Variants in SFPQ observed in about 807,000 individuals in gnomAD.
The protein encoded by SFPQ is splicing factor, proline- and glutamine-rich.
Under a neutral mutation model 72.9 loss-of-function variants are expected in SFPQ, and 11 were observed. The observed-to-expected ratio is 0.15, with a 90% CI of 0.09 to 0.25. The LOEUF is 0.25. Among genes scored for constraint, SFPQ ranks in the 10% least tolerant of loss-of-function variants. The pLI is 1.00. For synonymous variants in SFPQ, 506 were observed against 367.3 expected (o/e 1.38, Z -4.32); for missense variants, 847 against 993.3 (o/e 0.85, Z 1.98).
At position 35,191,004 on chromosome 1, in the gene SFPQ, CAG is replaced by C. The variant is rs1639966704; in HGVS notation, c.1018-11_1018-10del. On this transcript the variant is annotated splice_polypyrimidine_tract_variant and intron_variant, in intron 2 of 9. Transcript: ENST00000357214. ...GCCAAAGCTCTAGATTCCTGTGTAT[CAG>C]AGACACTCATGTTAATGACCTCAAA... 2 of 1,607,872 alleles carry C rather than the reference CAG, an allele frequency of 1.2e-6. No homozygotes were observed. The highest frequency in any genetic ancestry group is 1.3e-5 in the African/African-American group (1 of 74,596).
Position 35,187,191 on chromosome 1 carries a change from T to C in SFPQ, c.1864+12A>G, listed in dbSNP as rs1218302803. ...TCTCTACTTATATCATTAATTTAAATTTCACACTTACCTCCCATGTTCATT... is the reference window on the plus strand; with the variant it reads ...TCTCTACTTATATCATTAATTTAAACTTCACACTTACCTCCCATGTTCATT... On this transcript the variant is annotated intron_variant, in intron 8 of 9. Transcript: ENST00000357214. The C allele has an allele frequency of 1.2e-6, 2 of 1,614,140 alleles. No homozygotes were observed. Among genetic ancestry groups the C allele is most frequent in the South Asian group, 1.1e-5 (1 of 91,084 alleles).
chr1:35,179,983 A>G (rs1251920758), downstream of SFPQ: 2 of 1,050,540 alleles, frequency 1.9e-6, no homozygotes, highest in African/African-American at 3.3e-5. Context: ...CAGAGGCTAA[A>G]CTAGTCATCA....
At chr1:35,185,379 A>T (rs949794325) in intron 9 of SFPQ, among the ~76,000 whole-genome samples, 1 of 152,206 alleles carries the variant, frequency 6.6e-6, no homozygotes, top group African/African-American at 2.4e-5. Flanking sequence ...TAGGTCTTTG[A>T]AAAGTGCAGA....
At position 35,182,947 on chromosome 1, in the gene SFPQ, CCT is replaced by C. The variant is rs1639532279; in HGVS notation, c.*1507_*1508del. 9.6e-7 allele frequency: 1 copy of C among 1,043,832 alleles called. No homozygotes were observed. Among genetic ancestry groups the C allele is most frequent in the African/African-American group, 1.7e-5 (1 of 59,808 alleles). The allele number at this position is 1,043,832 out of a possible 1,614,324, so 64.7% of individuals were successfully genotyped here. ...GACAACACCATGGAAACATTCCAAG[CCT>C]TTATGGTGGGAGGAAGGGATATTTG... is the stretch of plus-strand genomic sequence containing the variant. On this transcript the variant is annotated 3_prime_UTR_variant, in exon 10 of 10. Coordinates refer to ENST00000357214, the MANE Select transcript of SFPQ (RefSeq NM_005066.3).
chr1:35,191,708 C>T (rs1234758272), intron 1 of SFPQ, among the ~76,000 whole-genome samples, 179 bp from the exon 2 acceptor site: 1 of 152,168 alleles, frequency 6.6e-6, no homozygotes, highest in African/African-American at 2.4e-5. Context: ...AAAAGGAGCC[C>T]CATCATCCAG....
intron 6 of SFPQ, among the ~76,000 whole-genome samples, chr1:35,188,397 T>C (rs761667431): frequency 1.3e-5 from 2 of 152,220 alleles, no homozygotes; most frequent in African/African-American, 4.8e-5. Flanking sequence ...TAAATGTTAG[T>C]GCATAAGTCA....
intron 9 of SFPQ, among the ~76,000 whole-genome samples, chr1:35,185,399 G>T (rs555885327): frequency 1.3e-5 from 2 of 152,194 alleles, no homozygotes; most frequent in Non-Finnish European, 2.9e-5. Context: ...ACACTTTGCT[G>T]TAATTCCATG....
chr1:35,188,220 G>A lies in SFPQ; in HGVS notation c.1698-130C>T, dbSNP rs533471832. 1.3e-5 allele frequency: 9 copies of A among 705,430 alleles called. No homozygotes were observed. The East Asian group carries it at 2.0e-4, about 15-fold the overall frequency. The allele number at this position is 705,430 out of a possible 1,614,324, so 43.7% of individuals were successfully genotyped here. ...AACACAAAGGCTTAGAGTGAGCCTA[G>A]GGGCATAGTACTAAAGACATTCTGG... On this transcript the variant is annotated intron_variant, in intron 6 of 9. Transcript: ENST00000357214.
chr1:35,177,749 GTTC>G (rs1639306638), intron 4 of SFPQ: 1 of 161,262 alleles, frequency 6.2e-6, no homozygotes, highest in Admixed American at 6.5e-5. Context: ...TTTCTTTTCT[GTTC>G]TTCTATGACC....
chr1:35,177,329 TGTCA>T (rs1639286535), exon 5 of SFPQ: 1 of 152,210 alleles, frequency 6.6e-6, no homozygotes, highest in Admixed American at 6.5e-5. Flanking sequence ...CTAGAAACGT[TGTCA>T]GTCTGCTTGT....
chr1:35,184,100 G>A lies in SFPQ; in HGVS notation c.*356C>T. The A allele has an allele frequency of 8.9e-7, 1 of 1,118,200 alleles. No individual in the cohort carries two copies. The highest frequency in any genetic ancestry group is 1.1e-6 in the Non-Finnish European group (1 of 914,876). The allele number at this position is 1,118,200 out of a possible 1,614,324, so 69.3% of individuals were successfully genotyped here. ...GCCTAATATGCATAGAAGCATGAAT[G>A]GCAAAGTTGAAGATCAATATTATAA... On this transcript the variant is annotated 3_prime_UTR_variant, in exon 10 of 10. Transcript: ENST00000357214.
chr1:35,191,374 G>C lies in SFPQ; in HGVS notation c.984C>G (p.Ile328Met). The C allele has an allele frequency of 6.2e-7, 1 of 1,613,938 alleles. No homozygotes were observed. The highest frequency in any genetic ancestry group is 1.1e-5 in the South Asian group (1 of 91,066). Residue 328 changes from isoleucine to methionine, a missense_variant, in exon 2 of 10, where the codon ATC becomes ATG. Transcript: ENST00000357214. ...TAAATCCGAATCCTTTGCCTTTGTTGATAAAAACTTCTCCTGGTTCTCCAT... is the reference window on the plus strand; with the variant it reads ...TAAATCCGAATCCTTTGCCTTTGTTCATAAAAACTTCTCCTGGTTCTCCAT... ...AKYGEPGEVF[I>M]NKGKGFGFIK...
chr1:35,188,073 C>T lies in SFPQ; in HGVS notation c.1715G>A (p.Arg572His), dbSNP rs1476791556. ...AATCATCATCTCTTCCTCTCTTCTACGTCGTTCCTCCTCTTGCCTAGAAAT... is the reference window on the plus strand; with the variant it reads ...AATCATCATCTCTTCCTCTCTTCTATGTCGTTCCTCCTCTTGCCTAGAAAT... ...EMQLRQEEER[R>H]RREEEMMIRQ... Residue 572 changes from arginine (R) to histidine (H), a missense_variant, in exon 7 of 10, where the codon CGT (arginine) becomes CAT (histidine). By Grantham distance (29) the Arg-to-His change is conservative (BLOSUM62 0). Transcript: ENST00000357214. The T allele has an allele frequency of 5.0e-6, 8 of 1,613,476 alleles. No individual in the cohort carries two copies. The highest frequency in any genetic ancestry group is 2.2e-5 in the East Asian group (1 of 44,868).
intron 4 of SFPQ, among the ~76,000 whole-genome samples, chr1:35,190,072 TCAA>T (rs1371155685): frequency 2.0e-5 from 3 of 151,804 alleles, no homozygotes; most frequent in Admixed American, 6.6e-5. Flanking sequence ...ATCAGCCTAG[TCAA>T]CATGGTGAAA....
chr1:35,179,971 T>TGC, downstream of SFPQ: 1 of 1,053,194 alleles, frequency 9.5e-7, no homozygotes, highest in Non-Finnish European at 1.1e-6. Context: ...ATTGTTGATA[T>TGC]GCAGAGGCTA....
chr1:35,192,199 G>T, intron 1 of SFPQ, 23 bp downstream of exon 1: 1 of 1,382,384 alleles, frequency 7.2e-7, no homozygotes, highest in South Asian at 1.6e-5. Context: ...GGGAGCCGAC[G>T]CGTCGCTCCC....
chr1:35,193,079 A>G lies in SFPQ; in HGVS notation c.-30T>C. The G allele has an allele frequency of 6.6e-7, 1 of 1,519,312 alleles. No homozygotes were observed. The highest frequency in any genetic ancestry group is 8.7e-7 in the Non-Finnish European group (1 of 1,144,624). 94.1% of individuals were successfully genotyped at this position (1,519,312 alleles called of 1,614,324 possible). ...GTGGTCAAGGGGCGGTCGAGGCAAA[A>G]GCGAAGAAGACGCTCAGGAAACGTG... On this transcript the variant is annotated 5_prime_UTR_variant, in exon 1 of 10. Coordinates refer to ENST00000357214, the MANE Select transcript of SFPQ (RefSeq NM_005066.3).
At position 35,190,612 on chromosome 1, in the gene SFPQ, C is replaced by T. The variant is rs141113481; in HGVS notation, c.1320-19G>A. ...AGGAGTTCTAATAACAAAAATGGTTCCATCTTAGCTTTGTTCCAGTTTTAT... is the reference window on the plus strand; with the variant it reads ...AGGAGTTCTAATAACAAAAATGGTTTCATCTTAGCTTTGTTCCAGTTTTAT... On this transcript the variant is annotated intron_variant, in intron 3 of 9. Transcript: ENST00000357214. The T allele has an allele frequency of 9.3e-6, 15 of 1,609,158 alleles. No homozygotes were observed. In the East Asian group the frequency reaches 2.0e-4, roughly 22 times the overall value.
At chr1:35,187,482 G>C (rs1209597948) in intron 7 of SFPQ, among the ~76,000 whole-genome samples, 2 of 152,172 alleles carry the variant, frequency 1.3e-5, no homozygotes, top group Admixed American at 1.3e-4. Flanking sequence ...TGTAATCACA[G>C]CACTTTGGAA....
Sources: gnomAD v4.1 joint callset for allele counts (sites outside exome capture counted in the v4.1 genomes callset) on GRCh38, gnomAD v4.1.1 for gene constraint, MANE v1.5 for transcripts, NCBI Gene and HGNC (gene_info 2026-07-23, HGNC 2026-07-21) for gene names.